The following ZEB1 variants were observed in gnomAD, a reference collection of about 807,000 sequenced individuals.
ZEB1 encodes zinc finger E-box binding homeobox 1, also known as zinc finger E-box-binding homeobox 1.
A neutral mutation model predicts 84.9 loss-of-function variants in ZEB1; 21 were observed. The observed-to-expected ratio is 0.25, with a 90% CI of 0.18 to 0.36. ZEB1 has a LOEUF of 0.36. Ranked by LOEUF, ZEB1 falls within the 10% of genes least tolerant of loss-of-function variation. ZEB1 has a pLI of 1.00. For missense variants in ZEB1, 1,104 were observed against 1,330.2 expected, an observed-to-expected ratio of 0.83 and a Z score of 2.65; for synonymous variants, 420 against 471.1, an observed-to-expected ratio of 0.89 and a Z score of 1.41.
chr10:31,329,363 T>G (rs1564476944), intron 1 of ZEB1, among the ~76,000 whole-genome samples: 1 of 152,142 alleles, frequency 6.6e-6, no homozygotes. Flanking sequence ...CCTTTTGTAT[T>G]GCTGAGTAGT....
intron 6 of ZEB1, among the ~76,000 whole-genome samples, chr10:31,516,996 C>T (rs1396400614): frequency 6.6e-6 from 1 of 151,864 alleles, no homozygotes; most frequent in South Asian, 2.1e-4. Flanking sequence ...TTTATTATAC[C>T]AAGACTTTGT....
chr10:31,379,339 A>G (rs2047223334), intron 1 of ZEB1, among the ~76,000 whole-genome samples: 2 of 152,016 alleles, frequency 1.3e-5, no homozygotes, highest in South Asian at 4.1e-4. Context: ...TTTTGAGGGT[A>G]CAAATTATTT....
intron 1 of ZEB1, among the ~76,000 whole-genome samples, chr10:31,397,735 G>A (rs775856268): frequency 3.3e-5 from 5 of 152,116 alleles, no homozygotes; most frequent in Non-Finnish European, 5.9e-5. Flanking sequence ...GATTGTAAGG[G>A]ATTAGGATTT....
intron 1 of ZEB1, among the ~76,000 whole-genome samples, chr10:31,422,406 G>C (rs2056319488): frequency 6.6e-6 from 1 of 152,080 alleles, no homozygotes; most frequent in Non-Finnish European, 1.5e-5. Context: ...CATGTTTAAG[G>C]TTGTAGAATA....
At chr10:31,475,848 A>C (rs1175269903) in intron 2 of ZEB1, among the ~76,000 whole-genome samples, 1 of 152,106 alleles carries the variant, frequency 6.6e-6, no homozygotes, top group African/African-American at 2.4e-5. Flanking sequence ...GTAAGTAGAA[A>C]CCTCAAAGAT....
intron 1 of ZEB1, among the ~76,000 whole-genome samples, chr10:31,433,520 TA>T (rs1283120986): frequency 2.0e-5 from 3 of 152,192 alleles, no homozygotes; most frequent in Non-Finnish European, 4.4e-5. Flanking sequence ...TCTTTCAAGT[TA>T]AATAGATGTA....
intron 2 of ZEB1, among the ~76,000 whole-genome samples, chr10:31,463,743 TCTC>T (rs2062063908): frequency 6.6e-6 from 1 of 152,166 alleles, no homozygotes; most frequent in African/African-American, 2.4e-5. Context: ...GCCTGAAAAA[TCTC>T]AAGCCATATT....
At chr10:31,389,873 C>CA (rs1186615670) in intron 1 of ZEB1, among the ~76,000 whole-genome samples, 1 of 151,910 alleles carries the variant, frequency 6.6e-6, no homozygotes, top group Non-Finnish European at 1.5e-5. Flanking sequence ...ATTTTATACT[C>CA]ACAGCACATC....
Position 31,482,161 on chromosome 10 carries a change from A to G in ZEB1, c.260-13615A>G, listed in dbSNP as rs183228938. ...ATGATAATATCACCAGTAATAAGAC[A>G]TAGTGACATACCATGTGCCACTAGT... On this transcript the variant is annotated intron_variant, in intron 2 of 8. Transcript: ENST00000424869. 1.5e-3 allele frequency among the ~76,000 whole-genome samples: 235 copies of G among 152,184 alleles called. 1 individual carries two copies. Among genetic ancestry groups the G allele is most frequent in the African/African-American group, 4.7e-3 (197 of 41,534 alleles).
intron 1 of ZEB1, among the ~76,000 whole-genome samples, 156 bp from the exon 2 acceptor site, chr10:31,460,881 C>A (rs2061729267): frequency 6.6e-6 from 1 of 152,036 alleles, no homozygotes. Context: ...TCTAGTGTTA[C>A]ATATGTGTGT....
At chr10:31,453,186 T>C (rs921946099) in intron 1 of ZEB1, among the ~76,000 whole-genome samples, 8 of 152,094 alleles carry the variant, frequency 5.3e-5, no homozygotes, top group Non-Finnish European at 7.4e-5. Flanking sequence ...ATAATAAGGG[T>C]GTCCTCTGGA....
chr10:31,512,664 G>A (rs540852441), intron 5 of ZEB1, among the ~76,000 whole-genome samples: 1 of 152,230 alleles, frequency 6.6e-6, no homozygotes, highest in South Asian at 2.1e-4. Context: ...TAGTCAAAAA[G>A]GAAGTCCCTG....
chr10:31,389,431 C>T (rs867482459), intron 1 of ZEB1, among the ~76,000 whole-genome samples: 5 of 152,190 alleles, frequency 3.3e-5, no homozygotes, highest in Non-Finnish European at 5.9e-5. Context: ...TGTCTTTCAT[C>T]GGTATCTGTA....
chr10:31,318,997 G>T (rs954407403), upstream of ZEB1: 3 of 569,096 alleles, frequency 5.3e-6, no homozygotes, highest in African/African-American at 3.7e-5. Flanking sequence ...CTTTTCCCTC[G>T]CCCCTCAATT....
intron 1 of ZEB1, among the ~76,000 whole-genome samples, chr10:31,433,807 G>A (rs936605687): frequency 5.3e-5 from 8 of 152,194 alleles, no homozygotes; most frequent in Admixed American, 5.2e-4. Context: ...TGCTGCCTTG[G>A]TAAGTGCTAA....
intron 1 of ZEB1, chr10:31,321,569 T>G (rs2034066911): frequency 6.2e-7 from 1 of 1,613,902 alleles, no homozygotes; most frequent in Admixed American, 1.7e-5. Context: ...GCTTTTTACC[T>G]TATTTAAAAT....
intron 1 of ZEB1, among the ~76,000 whole-genome samples, chr10:31,348,601 A>G (rs2040753384): frequency 6.6e-6 from 1 of 152,004 alleles, no homozygotes; most frequent in Admixed American, 6.6e-5. Flanking sequence ...AGAGTCCCAT[A>G]AAATTATGTC....
At chr10:31,326,017 G>T (rs2035416997) in intron 1 of ZEB1, among the ~76,000 whole-genome samples, 2 of 143,808 alleles carry the variant, frequency 1.4e-5, no homozygotes, top group Non-Finnish European at 1.5e-5. Context: ...CTAGTTTGCT[G>T]ATGAAAAAAA....
At chr10:31,524,592 TG>T (rs1474959983) in intron 8 of ZEB1, among the ~76,000 whole-genome samples, 1 of 152,216 alleles carries the variant, frequency 6.6e-6, no homozygotes, top group Non-Finnish European at 1.5e-5. Flanking sequence ...TTAAGGTCTG[TG>T]CCTTTCTTTT....
Sources: allele counts gnomAD v4.1 joint callset (sites outside exome capture counted in the v4.1 genomes callset), GRCh38; gene constraint gnomAD v4.1.1; transcripts MANE v1.5; gene names NCBI Gene and HGNC (gene_info 2026-07-23, HGNC 2026-07-21).